Variants in CDH18 observed in about 807,000 individuals in gnomAD.
CDH18 encodes the protein cadherin-18.
CDH18 carries 31 observed loss-of-function variants against 67.9 expected under a neutral mutation model. The ratio of observed to expected loss-of-function variants is 0.46; its 90% CI spans 0.34 to 0.62. CDH18 has a LOEUF of 0.62. Ranked by LOEUF, CDH18 falls within the 20% of genes least tolerant of loss-of-function variation. The pLI is 0.01. For missense variants in CDH18, 890 were observed against 975.5 expected, an observed-to-expected ratio of 0.91 and a Z score of 1.17; for synonymous variants, 362 against 347.2, an observed-to-expected ratio of 1.04 and a Z score of -0.48.
intron 2 of CDH18, among the ~76,000 whole-genome samples, chr5:20,135,622 G>A (rs1351471601): frequency 2.6e-5 from 4 of 151,978 alleles, no homozygotes; most frequent in Non-Finnish European, 5.9e-5. Context: ...GTTATTTATT[G>A]GCTTCTGCTA....
At chr5:20,554,129 C>A (rs1757782119) in intron 1 of CDH18, among the ~76,000 whole-genome samples, 1 of 152,104 alleles carries the variant, frequency 6.6e-6, no homozygotes. Flanking sequence ...AAAAAAAATT[C>A]TGTAAAGTGC....
At chr5:20,565,106 G>A (rs528629024) in intron 1 of CDH18, among the ~76,000 whole-genome samples, 3 of 152,274 alleles carry the variant, frequency 2.0e-5, no homozygotes, top group Admixed American at 1.3e-4. Context: ...GGATTTGGCA[G>A]AAATTTACAA....
At chr5:20,476,795 C>T (rs902007757) in intron 1 of CDH18, among the ~76,000 whole-genome samples, 1 of 152,038 alleles carries the variant, frequency 6.6e-6, no homozygotes, top group Non-Finnish European at 1.5e-5. Context: ...TAATATAGTA[C>T]TGTCTATACC....
chr5:19,722,416 C>G (rs1183957610), intron 4 of CDH18, among the ~76,000 whole-genome samples: 1 of 151,090 alleles, frequency 6.6e-6, no homozygotes, highest in East Asian at 1.9e-4. Flanking sequence ...CAACATCGCA[C>G]TGGATTTTTT....
chr5:20,149,902 A>G (rs925373156), intron 2 of CDH18, among the ~76,000 whole-genome samples: 1 of 152,154 alleles, frequency 6.6e-6, no homozygotes, highest in Non-Finnish European at 1.5e-5. Context: ...AGATAAAAAG[A>G]AGACAAGTTA....
chr5:19,806,368 T>C (rs1040918397), intron 3 of CDH18, among the ~76,000 whole-genome samples: 13 of 152,312 alleles, frequency 8.5e-5, no homozygotes, highest in Middle Eastern at 3.4e-3. Context: ...GCATATTTTA[T>C]CAATGTAATC....
intron 1 of CDH18, among the ~76,000 whole-genome samples, chr5:20,302,949 G>A (rs1362680778): frequency 6.6e-6 from 1 of 152,158 alleles, no homozygotes; most frequent in Admixed American, 6.5e-5. Flanking sequence ...ATATTCGTGT[G>A]CATAACCCTG....
chr5:19,925,971 C>T (rs1348522358), intron 2 of CDH18, among the ~76,000 whole-genome samples: 2 of 152,050 alleles, frequency 1.3e-5, no homozygotes, highest in East Asian at 1.9e-4. Flanking sequence ...ATAATAGATT[C>T]GTGTTTATTT....
At position 19,473,222 on chromosome 5, in the gene CDH18, C is replaced by A. The variant is rs754176144; in HGVS notation, c.*4G>T. 2 of 1,611,730 alleles carry A rather than the reference C, an allele frequency of 1.2e-6. No homozygotes were observed. Among genetic ancestry groups the A allele is most frequent in the South Asian group, 1.1e-5 (1 of 90,988 alleles). On this transcript the variant is annotated 3_prime_UTR_variant, in exon 13 of 13. Coordinates refer to ENST00000382275, the MANE Select transcript of CDH18 (RefSeq NM_004934.5). ...AATTCCACAAGGTTGCAAGAACTGA[C>A]CCCCTAAGTTGTTCTTTCAGATTCT...
intron 3 of CDH18, among the ~76,000 whole-genome samples, chr5:19,796,953 G>A (rs556116222): frequency 4.0e-5 from 6 of 151,770 alleles, no homozygotes; most frequent in South Asian, 2.1e-4. Context: ...TAATGTTCAC[G>A]TAACACAAAG....
At chr5:20,548,786 T>C (rs1757479933) in intron 1 of CDH18, among the ~76,000 whole-genome samples, 2 of 152,142 alleles carry the variant, frequency 1.3e-5, no homozygotes, top group East Asian at 1.9e-4. Flanking sequence ...CCAATCCTTA[T>C]TTTTGCTCCA....
At chr5:20,481,498 C>T (rs530817658) in intron 1 of CDH18, among the ~76,000 whole-genome samples, 3 of 152,176 alleles carry the variant, frequency 2.0e-5, no homozygotes, top group South Asian at 4.1e-4. Context: ...TGTCGTTCGA[C>T]AGCAACAGAA....
intron 1 of CDH18, among the ~76,000 whole-genome samples, chr5:20,524,140 C>A (rs1414722286): frequency 2.0e-5 from 3 of 152,164 alleles, no homozygotes; most frequent in African/African-American, 7.2e-5. Flanking sequence ...ATAGGAAGTG[C>A]CACTTCACTA....
Position 19,642,089 on chromosome 5 carries a change from A to G in CDH18, c.644-29488T>C, listed in dbSNP as rs74617828. 8.0e-3 allele frequency among the ~76,000 whole-genome samples: 1,210 copies of G among 152,122 alleles called. 17 individuals carry two copies. The highest frequency in any genetic ancestry group is 0.027 in the African/African-American group (1,142 of 41,540). The stretch of plus-strand genomic sequence containing the variant: ...AGAAATGGAAGAGACAATATTCACA[A>G]AAACAAAAAGAATAAAATACTTTGG... On this transcript the variant is annotated intron_variant, in intron 5 of 12. Transcript: ENST00000382275.
intron 1 of CDH18, among the ~76,000 whole-genome samples, chr5:20,366,296 C>T (rs545139477): frequency 4.7e-4 from 71 of 152,272 alleles, no homozygotes; most frequent in African/African-American, 1.7e-3. Context: ...ACCACCACCA[C>T]CACCCATTCA....
chr5:19,575,747 T>C (rs1742212770), intron 7 of CDH18, among the ~76,000 whole-genome samples: 1 of 152,150 alleles, frequency 6.6e-6, no homozygotes, highest in South Asian at 2.1e-4. Context: ...GAAATTACCT[T>C]GAAGTTCTGA....
At chr5:19,716,105 C>T (rs1765308821) in intron 5 of CDH18, among the ~76,000 whole-genome samples, 1 of 152,064 alleles carries the variant, frequency 6.6e-6, no homozygotes, top group Non-Finnish European at 1.5e-5. Flanking sequence ...AGGCTTGAGT[C>T]ACCGCTCCCA....
intron 2 of CDH18, among the ~76,000 whole-genome samples, chr5:20,185,071 T>C (rs780371276): frequency 6.6e-6 from 1 of 152,054 alleles, no homozygotes; most frequent in Non-Finnish European, 1.5e-5. Context: ...TCTCAAGAAA[T>C]ACTAAAAAAT....
At chr5:19,860,068 C>T (rs1054238991) in intron 2 of CDH18, among the ~76,000 whole-genome samples, 35 of 151,110 alleles carry the variant, frequency 2.3e-4, no homozygotes, top group Admixed American at 1.1e-3. Flanking sequence ...AGGCATTTCT[C>T]ACATTTTACT....
Sources: allele counts gnomAD v4.1 joint callset (sites outside exome capture counted in the v4.1 genomes callset), GRCh38; gene constraint gnomAD v4.1.1; transcripts MANE v1.5; gene names NCBI Gene and HGNC (gene_info 2026-07-23, HGNC 2026-07-21).